PCDH15: variants seen among roughly 807,000 people sequenced by gnomAD.
PCDH15 encodes the protein protocadherin-15.
A neutral mutation model predicts 178.5 loss-of-function variants in PCDH15; 129 were observed. The ratio of observed to expected loss-of-function variants is 0.72; its 90% CI spans 0.63 to 0.84. PCDH15 has a LOEUF of 0.84. PCDH15 is among the 40% of genes least tolerant of loss of function. The pLI is 0.00. For missense variants in PCDH15, 2,230 were observed against 2,099.9 expected, an observed-to-expected ratio of 1.06 and a Z score of -1.21; for synonymous variants, 800 against 732.0, an observed-to-expected ratio of 1.09 and a Z score of -1.50.
chr10:55,414,524 G>A (rs969987074), intron 2 of PCDH15, among the ~76,000 whole-genome samples: 17 of 151,448 alleles, frequency 1.1e-4, no homozygotes, highest in African/African-American at 3.4e-4. Flanking sequence ...CACAGAATAC[G>A]TTTTTACTTA....
chr10:54,174,299 G>A (rs188734184), intron 13 of PCDH15, among the ~76,000 whole-genome samples: 15 of 152,122 alleles, frequency 9.9e-5, no homozygotes, highest in Non-Finnish European at 2.1e-4. Flanking sequence ...TTGGGAGGCC[G>A]AGGCAGGCAG....
chr10:54,719,224 T>C (rs954968541), intron 1 of PCDH15, among the ~76,000 whole-genome samples: 1 of 151,934 alleles, frequency 6.6e-6, no homozygotes, highest in African/African-American at 2.4e-5. Flanking sequence ...CAAAATACAG[T>C]TGAAAGTTTT....
At chr10:54,229,717 C>A (rs1042571776) in intron 9 of PCDH15, among the ~76,000 whole-genome samples, 1 of 152,158 alleles carries the variant, frequency 6.6e-6, no homozygotes, top group Non-Finnish European at 1.5e-5. Flanking sequence ...ATTGTGAGGC[C>A]TTCCTGAACA....
chr10:53,876,437 C>A (rs533377185), intron 26 of PCDH15, among the ~76,000 whole-genome samples: 104 of 152,106 alleles, frequency 6.8e-4, no homozygotes, highest in African/African-American at 2.3e-3. Context: ...CCACCCGGCT[C>A]GGCCTCCCAA....
rs534577313 is a variant in PCDH15, at chr10:53,826,770, G to A, written c.4367+623C>T. On this transcript the variant is annotated intron_variant, in intron 32 of 37. Coordinates refer to ENST00000644397, the MANE Select transcript of PCDH15 (RefSeq NM_001384140.1). Reference sequence around the variant, plus strand: ...TTCAAATCGTGCAGGAGAAATATTCGGTAATCACCGCAGTCTGAGAGTAAT... The same window carrying A: ...TTCAAATCGTGCAGGAGAAATATTCAGTAATCACCGCAGTCTGAGAGTAAT... Among the ~76,000 whole-genome samples, 5 of 152,038 alleles carry A rather than the reference G, an allele frequency of 3.3e-5. No individual in the cohort carries two copies. In the South Asian group the frequency reaches 8.3e-4, roughly 25 times the overall value.
intron 3 of PCDH15, among the ~76,000 whole-genome samples, chr10:54,885,299 T>A (rs1954336395): frequency 6.6e-6 from 1 of 152,004 alleles, no homozygotes; most frequent in South Asian, 2.1e-4. Context: ...AATGCTTGAC[T>A]GTCATGTGAA....
At chr10:55,299,395 T>C (rs4935589) in intron 1 of PCDH15, among the ~76,000 whole-genome samples, 31,499 of 152,018 alleles carry the variant, frequency 0.21, 5,273 homozygotes, top group African/African-American at 0.46. Context: ...CAGATGAGAG[T>C]GAACTCCCCA....
At chr10:55,117,945 C>T (rs1837668013) in intron 2 of PCDH15, among the ~76,000 whole-genome samples, 1 of 152,062 alleles carries the variant, frequency 6.6e-6, no homozygotes, top group Non-Finnish European at 1.5e-5. Context: ...GAAAAAGATG[C>T]CCTGAAAAGT....
At chr10:54,379,262 T>A (rs1430419106) in intron 3 of PCDH15, among the ~76,000 whole-genome samples, 1 of 152,088 alleles carries the variant, frequency 6.6e-6, no homozygotes, top group South Asian at 2.1e-4. Context: ...CTGAATTTTA[T>A]CCTGAACAAA....
At chr10:55,548,577 T>G (rs1841940234) in intron 2 of PCDH15, among the ~76,000 whole-genome samples, 1 of 152,162 alleles carries the variant, frequency 6.6e-6, no homozygotes, top group Non-Finnish European at 1.5e-5. Context: ...GTTCTTGTGG[T>G]CATGCTTATT....
At chr10:55,308,342 A>C (rs1239149608) in intron 1 of PCDH15, among the ~76,000 whole-genome samples, 1 of 152,170 alleles carries the variant, frequency 6.6e-6, no homozygotes, top group Non-Finnish European at 1.5e-5. Flanking sequence ...TGGAGTAAGC[A>C]TTAAATTCTG....
chr10:54,456,678 AG>A (rs1164910072), intron 3 of PCDH15, among the ~76,000 whole-genome samples: 1 of 152,098 alleles, frequency 6.6e-6, no homozygotes, highest in Non-Finnish European at 1.5e-5. Context: ...GGGAGGGACT[AG>A]GGGTAGAATG....
intron 2 of PCDH15, among the ~76,000 whole-genome samples, chr10:54,989,694 C>G (rs762368510): frequency 1.3e-5 from 2 of 152,114 alleles, no homozygotes; most frequent in Non-Finnish European, 2.9e-5. Context: ...AAACAATGGA[C>G]TATGGACTTT....
intron 2 of PCDH15, among the ~76,000 whole-genome samples, chr10:55,559,299 C>T (rs1222910010): frequency 1.3e-5 from 2 of 151,846 alleles, no homozygotes; most frequent in East Asian, 3.9e-4. Context: ...TGAATAACAG[C>T]TTTTTAATTT....
At chr10:54,223,781 G>C (rs2134223690) in intron 9 of PCDH15, among the ~76,000 whole-genome samples, 1 of 152,068 alleles carries the variant, frequency 6.6e-6, no homozygotes, top group South Asian at 2.1e-4. Context: ...GGCATCTAGA[G>C]GAAAGGCCCT....
intron 2 of PCDH15, among the ~76,000 whole-genome samples, chr10:55,457,349 T>C (rs1839576295): frequency 6.6e-6 from 1 of 152,074 alleles, no homozygotes; most frequent in South Asian, 2.1e-4. Context: ...CAATTAAACA[T>C]AAACATTGAT....
intron 2 of PCDH15, among the ~76,000 whole-genome samples, chr10:54,550,899 T>C (rs2086499988): frequency 6.6e-6 from 1 of 152,024 alleles, no homozygotes; most frequent in South Asian, 2.1e-4. Context: ...CTCACACCTG[T>C]AATCCCAAAA....
intron 2 of PCDH15, among the ~76,000 whole-genome samples, chr10:54,537,459 A>G (rs2084706956): frequency 6.6e-6 from 1 of 152,156 alleles, no homozygotes. Context: ...AACCTGTCGA[A>G]GACACAAGGA....
chr10:54,573,589 A>G (rs895913465), intron 2 of PCDH15, among the ~76,000 whole-genome samples: 9 of 152,176 alleles, frequency 5.9e-5, no homozygotes, highest in African/African-American at 1.7e-4. Context: ...CTTGTAGTGA[A>G]ATTTTCCAAA....
Sources: gnomAD v4.1 joint callset for allele counts (sites outside exome capture counted in the v4.1 genomes callset) on GRCh38, gnomAD v4.1.1 for gene constraint, MANE v1.5 for transcripts, NCBI Gene and HGNC (gene_info 2026-07-23, HGNC 2026-07-21) for gene names.